The following TENM2 variants were observed in gnomAD, a reference collection of about 807,000 sequenced individuals.
The protein encoded by TENM2 is teneurin-2.
In TENM2, 52 loss-of-function variants were observed where a neutral mutation model predicts 245.2. The ratio of observed to expected loss-of-function variants is 0.21; its 90% confidence interval spans 0.17 to 0.27. The LOEUF is 0.27. Ranked by LOEUF, TENM2 falls within the 10% of genes least tolerant of loss-of-function variation. The probability of loss-of-function intolerance (pLI) is 1.00; values close to 1 mark genes in which losing one functional copy is unlikely to be tolerated. For synonymous variants in TENM2, 1,363 were observed against 1,438.9 expected (o/e 0.95, Z 1.19); for missense variants, 3,046 against 3,666.8 (o/e 0.83, Z 4.37).
chr5:167,493,626 T>C (rs1321478915), intron 2 of TENM2, among the ~76,000 whole-genome samples: 2 of 152,056 alleles, frequency 1.3e-5, no homozygotes, highest in African/African-American at 4.8e-5. Context: ...TACTGAGATA[T>C]GGAGGATTGA....
intron 2 of TENM2, among the ~76,000 whole-genome samples, chr5:167,655,156 T>C (rs1216948477): frequency 1.3e-5 from 2 of 152,042 alleles, no homozygotes; most frequent in Non-Finnish European, 2.9e-5. Flanking sequence ...GAGAAAAGGT[T>C]TTACAAAGAA....
intron 2 of TENM2, among the ~76,000 whole-genome samples, chr5:167,677,701 A>G (rs926898954): frequency 4.0e-5 from 6 of 149,366 alleles, no homozygotes; most frequent in Admixed American, 2.7e-4. Context: ...ATATATTTTA[A>G]TGATATTTAT....
At chr5:167,675,711 A>T (rs1485694035) in intron 2 of TENM2, among the ~76,000 whole-genome samples, 1 of 152,110 alleles carries the variant, frequency 6.6e-6, no homozygotes, top group Admixed American at 6.6e-5. Flanking sequence ...TTCTATCAAC[A>T]TAGTGGGAAA....
At chr5:167,975,996 G>A (rs1386778889) in intron 4 of TENM2, among the ~76,000 whole-genome samples, 1 of 152,130 alleles carries the variant, frequency 6.6e-6, no homozygotes, top group Non-Finnish European at 1.5e-5. Flanking sequence ...TTGTTTTGAT[G>A]ACTTAAGAAT....
intron 6 of TENM2, among the ~76,000 whole-genome samples, chr5:168,060,410 T>C (rs753532376): frequency 1.3e-5 from 2 of 151,996 alleles, no homozygotes; most frequent in African/African-American, 2.4e-5. Flanking sequence ...TGAGACCCTG[T>C]CTCAAAAAAA....
chr5:167,701,954 A>G (rs1397837752), intron 2 of TENM2, among the ~76,000 whole-genome samples: 1 of 152,180 alleles, frequency 6.6e-6, no homozygotes, highest in Non-Finnish European at 1.5e-5. Context: ...TCTAGAGAAT[A>G]TTTGTTTTGG....
At chr5:167,920,113 A>G (rs1011515857) in intron 3 of TENM2, among the ~76,000 whole-genome samples, 1 of 152,158 alleles carries the variant, frequency 6.6e-6, no homozygotes, top group Admixed American at 6.5e-5. Context: ...CTAAAAATGC[A>G]AAACTGCTAC....
At chr5:167,101,544 C>A in the TENM2 span, among the ~76,000 whole-genome samples, 1 of 152,058 alleles carries the variant, frequency 6.6e-6, no homozygotes, top group African/African-American at 2.4e-5. Flanking sequence ...TCTCCCATCT[C>A]CTTGATCTGG....
chr5:167,596,775 G>A (rs1350509683), intron 2 of TENM2, among the ~76,000 whole-genome samples: 1 of 145,598 alleles, frequency 6.9e-6, no homozygotes, highest in African/African-American at 2.6e-5. Context: ...CAACCTGGGC[G>A]ACAGAGCTAG....
chr5:167,379,734 G>T (rs1760980914), intron 2 of TENM2, among the ~76,000 whole-genome samples: 1 of 152,020 alleles, frequency 6.6e-6, no homozygotes, highest in Admixed American at 6.6e-5. Context: ...CCATAATTTT[G>T]CTGTTAAGGA....
intron 7 of TENM2, among the ~76,000 whole-genome samples, chr5:168,074,851 A>G (rs1791328156): frequency 6.6e-6 from 1 of 152,124 alleles, no homozygotes; most frequent in Non-Finnish European, 1.5e-5. Context: ...CGAATCTACA[A>G]CAGAATCCTC....
chr5:167,442,862 A>C (rs574172837), intron 2 of TENM2, among the ~76,000 whole-genome samples: 1 of 152,126 alleles, frequency 6.6e-6, no homozygotes, highest in African/African-American at 2.4e-5. Context: ...GGGGTCTGCT[A>C]TTTATGTGAC....
rs540613293 is a variant in TENM2 at position 167,981,715 on chromosome 5, G to T, written c.948-11229G>T. Among the ~76,000 whole-genome samples, 8 of 152,294 alleles carry T rather than the reference G, an allele frequency of 5.3e-5. No individual in the cohort carries two copies. In the East Asian group the frequency reaches 1.5e-3, roughly 29 times the overall value. ...CAGATCCCCTTGGCCAGGCATGGTG[G>T]CTCATGCCTTTAATGCCAGCACTTT... is the stretch of plus-strand genomic sequence containing the variant. On this transcript the variant is annotated intron_variant, in intron 4 of 28. Coordinates refer to ENST00000518659, the Ensembl canonical transcript of TENM2.
At chr5:167,952,541 G>T in intron 3 of TENM2, 47 bp from the exon 6 acceptor site, 1 of 1,488,254 alleles carries the variant, frequency 6.7e-7, no homozygotes, top group Non-Finnish European at 9.2e-7. Flanking sequence ...GAGTGCCTGA[G>T]ACTGGAATTT....
At chr5:167,350,589 T>C (rs1758778751) in intron 1 of TENM2, among the ~76,000 whole-genome samples, 3 of 146,092 alleles carry the variant, frequency 2.1e-5, no homozygotes, top group African/African-American at 2.5e-5. Context: ...ATATGGGATA[T>C]ATATATATGG....
chr5:167,403,003 T>C (rs956410551), intron 2 of TENM2, among the ~76,000 whole-genome samples: 1 of 152,128 alleles, frequency 6.6e-6, no homozygotes, highest in African/African-American at 2.4e-5. Flanking sequence ...AGCTCCAAAC[T>C]GTGCAGCTTT....
intron 13 of TENM2, among the ~76,000 whole-genome samples, chr5:168,166,843 G>C (rs1243201649): frequency 6.6e-6 from 1 of 152,172 alleles, no homozygotes; most frequent in Non-Finnish European, 1.5e-5. Context: ...CCCTGTTGGA[G>C]AAGGCTGCCT....
At chr5:167,265,859 T>G in the TENM2 span, among the ~76,000 whole-genome samples, 1 of 152,158 alleles carries the variant, frequency 6.6e-6, no homozygotes, top group Non-Finnish European at 1.5e-5. Flanking sequence ...TTGGAAAAAA[T>G]ATTATGATCG....
At chr5:166,991,437 AT>A in the TENM2 span, among the ~76,000 whole-genome samples, 3 of 151,916 alleles carry the variant, frequency 2.0e-5, no homozygotes, top group African/African-American at 7.2e-5. Context: ...AATTGCAGTT[AT>A]CCTTGTTTCA....
Sources: allele counts gnomAD v4.1 joint callset (sites outside exome capture counted in the v4.1 genomes callset), GRCh38; gene constraint gnomAD v4.1.1; transcripts MANE v1.5; gene names NCBI Gene and HGNC (gene_info 2026-07-23, HGNC 2026-07-21).